The following CCSER1 variants were observed in gnomAD, a reference collection of about 807,000 sequenced individuals.
CCSER1 encodes coiled-coil serine rich protein 1, also known as serine-rich coiled-coil domain-containing protein 1.
In CCSER1, 41 loss-of-function variants were observed where a neutral mutation model predicts 82.0. That is an observed-to-expected ratio of 0.50 (90% CI 0.39 to 0.65). CCSER1 has a LOEUF of 0.65. Ranked by LOEUF, CCSER1 falls within the 30% of genes least tolerant of loss-of-function variation. CCSER1 has a pLI of 0.00. For missense variants in CCSER1, 1,119 were observed against 1,064.2 expected (o/e 1.05, Z -0.72); for synonymous variants, 414 against 383.9 (o/e 1.08, Z -0.92).
chr4:90,258,259 A>G (rs911174820), intron 1 of CCSER1, among the ~76,000 whole-genome samples: 1 of 152,220 alleles, frequency 6.6e-6, no homozygotes, highest in African/African-American at 2.4e-5. Context: ...TCATGCCTGT[A>G]ATCCCAGCAC....
intron 10 of CCSER1, among the ~76,000 whole-genome samples, chr4:91,333,778 T>C (rs1747120427): frequency 6.6e-6 from 1 of 152,056 alleles, no homozygotes; most frequent in Admixed American, 6.6e-5. Flanking sequence ...TTAAAGTTAG[T>C]ACTAAGTAGG....
At chr4:91,285,478 G>A (rs752724766) in intron 10 of CCSER1, among the ~76,000 whole-genome samples, 7 of 151,672 alleles carry the variant, frequency 4.6e-5, no homozygotes, top group Non-Finnish European at 7.4e-5. Context: ...TTGCTTTCAC[G>A]AAATCAAAGT....
At chr4:91,113,647 C>G (rs1291888611) in intron 10 of CCSER1, among the ~76,000 whole-genome samples, 1 of 152,070 alleles carries the variant, frequency 6.6e-6, no homozygotes, top group Admixed American at 6.6e-5. Flanking sequence ...ACAAAATAAG[C>G]TATTATTGAG....
intron 8 of CCSER1, chr4:90,839,141 C>T (rs1762239873): frequency 1.2e-6 from 1 of 863,994 alleles, no homozygotes; most frequent in East Asian, 2.4e-5. Flanking sequence ...ATAATGTTTG[C>T]ATTTCTTCTA....
At chr4:90,352,952 T>C (rs1325634042) in intron 3 of CCSER1, among the ~76,000 whole-genome samples, 3 of 151,686 alleles carry the variant, frequency 2.0e-5, no homozygotes, top group Non-Finnish European at 4.4e-5. Context: ...TTACCCAGTA[T>C]TGATAGCCTG....
At chr4:90,311,125 G>A (rs28375346) in intron 2 of CCSER1, among the ~76,000 whole-genome samples, 10,621 of 152,064 alleles carry the variant, frequency 0.07, 1,070 homozygotes, top group African/African-American at 0.22. Flanking sequence ...TGCATGTCAT[G>A]TTAATAACTA....
intron 1 of CCSER1, among the ~76,000 whole-genome samples, chr4:90,267,332 GA>G (rs1477602796): frequency 6.6e-6 from 1 of 152,066 alleles, no homozygotes; most frequent in Non-Finnish European, 1.5e-5. Flanking sequence ...CAGTAGAACA[GA>G]GAACTAGGTA....
chr4:90,300,043 G>C (rs1321484416), intron 1 of CCSER1, among the ~76,000 whole-genome samples: 2 of 151,972 alleles, frequency 1.3e-5, no homozygotes, highest in Non-Finnish European at 2.9e-5. Flanking sequence ...GGTCATTAAG[G>C]CTCTACCAGG....
intron 1 of CCSER1, among the ~76,000 whole-genome samples, chr4:90,172,593 A>G (rs1731916296): frequency 6.6e-6 from 1 of 151,902 alleles, no homozygotes; most frequent in African/African-American, 2.4e-5. Flanking sequence ...TTTATTATGC[A>G]GAAATGGATT....
intron 10 of CCSER1, among the ~76,000 whole-genome samples, chr4:91,333,459 G>A (rs1190845815): frequency 6.6e-6 from 1 of 152,010 alleles, no homozygotes; most frequent in Non-Finnish European, 1.5e-5. Flanking sequence ...GAATCATGTT[G>A]CCCATCATAT....
intron 5 of CCSER1, among the ~76,000 whole-genome samples, chr4:90,554,458 A>G (rs1777883933): frequency 6.6e-6 from 1 of 152,244 alleles, no homozygotes; most frequent in African/African-American, 2.4e-5. Flanking sequence ...ACCTTTAAAT[A>G]CCGAAAATAT....
intron 10 of CCSER1, among the ~76,000 whole-genome samples, chr4:91,149,004 G>A (rs1410618981): frequency 8.8e-5 from 9 of 102,444 alleles, no homozygotes; most frequent in African/African-American, 3.0e-4. Flanking sequence ...ATACCCAGCA[G>A]TGGGATGGCT....
At chr4:90,845,189 C>T (rs928397842) in intron 8 of CCSER1, among the ~76,000 whole-genome samples, 6 of 151,694 alleles carry the variant, frequency 4.0e-5, no homozygotes, top group East Asian at 1.9e-4. Flanking sequence ...GGTGAAACCC[C>T]GTCTCTACTA....
chr4:91,366,023 G>T lies in CCSER1; in HGVS notation c.2218-232549G>T, dbSNP rs367658779. On this transcript the variant is annotated intron_variant, in intron 10 of 10. Coordinates refer to ENST00000509176, the MANE Select transcript of CCSER1 (RefSeq NM_001145065.2). ...TTTCTTCTGAACTCTCACCTTCTTT[G>T]GGGGGTAGGGGTGAGATGGAGTTTT... Among the ~76,000 whole-genome samples the T allele has an allele frequency of 3.0e-3, 449 of 152,052 alleles. 3 individuals are homozygous for T. Among genetic ancestry groups the T allele is most frequent in the African/African-American group, 0.01 (421 of 41,482 alleles).
intron 5 of CCSER1, among the ~76,000 whole-genome samples, chr4:90,502,308 C>T (rs906998331): frequency 2.0e-5 from 3 of 152,074 alleles, no homozygotes; most frequent in African/African-American, 7.2e-5. Context: ...AAAGAGAGCA[C>T]AAGGGGAAGT....
chr4:91,159,125 A>G (rs1731115981), intron 10 of CCSER1, among the ~76,000 whole-genome samples: 1 of 151,870 alleles, frequency 6.6e-6, no homozygotes, highest in African/African-American at 2.4e-5. Context: ...TGTTACTAAC[A>G]TGCCCCTCAC....
At chr4:90,627,036 A>G (rs1723420713) in intron 5 of CCSER1, among the ~76,000 whole-genome samples, 1 of 152,200 alleles carries the variant, frequency 6.6e-6, no homozygotes, top group Admixed American at 6.5e-5. Flanking sequence ...TGGAGTGGTT[A>G]GCACAGTACT....
At chr4:90,931,832 T>C (rs1729861829) in intron 9 of CCSER1, among the ~76,000 whole-genome samples, 1 of 152,188 alleles carries the variant, frequency 6.6e-6, no homozygotes, top group Non-Finnish European at 1.5e-5. Context: ...TGCTTTGGGA[T>C]TTGAGAATAG....
chr4:90,379,796 A>T (rs1341331800), intron 3 of CCSER1, among the ~76,000 whole-genome samples: 1 of 152,186 alleles, frequency 6.6e-6, no homozygotes, highest in Non-Finnish European at 1.5e-5. Context: ...TATAAGCAAA[A>T]GATATTTAAT....
Sources: allele counts gnomAD v4.1 joint callset (sites outside exome capture counted in the v4.1 genomes callset), GRCh38; gene constraint gnomAD v4.1.1; transcripts MANE v1.5; gene names NCBI Gene and HGNC (gene_info 2026-07-23, HGNC 2026-07-21).